The following CTNNA2 variants were observed in gnomAD, a reference collection of about 807,000 sequenced individuals.
CTNNA2 encodes catenin alpha 2.
A neutral mutation model predicts 101.0 loss-of-function variants in CTNNA2; 42 were observed. The observed-to-expected ratio is 0.42, with a 90% CI of 0.32 to 0.54. The LOEUF is 0.54. Among genes scored for constraint, CTNNA2 ranks in the 20% least tolerant of loss-of-function variants. The probability of loss-of-function intolerance (pLI) is 0.14; values close to 1 mark genes in which losing one functional copy is unlikely to be tolerated. For missense variants in CTNNA2, 871 were observed against 1,223.1 expected, an observed-to-expected ratio of 0.71 and a Z score of 4.29; for synonymous variants, 450 against 456.4, an observed-to-expected ratio of 0.99 and a Z score of 0.18.
At chr2:80,394,605 A>G (rs1677829876) in intron 8 of CTNNA2, among the ~76,000 whole-genome samples, 1 of 152,160 alleles carries the variant, frequency 6.6e-6, no homozygotes, top group Admixed American at 6.5e-5. Flanking sequence ...ATGAAATGAT[A>G]TGGGTGGCAG....
intron 7 of CTNNA2, among the ~76,000 whole-genome samples, chr2:80,130,571 A>G (rs1702358545): frequency 6.6e-6 from 1 of 152,202 alleles, no homozygotes. Flanking sequence ...CATAAAACAT[A>G]CCTGTCAAAG....
At chr2:79,298,144 C>T (rs1676025651) in intron 2 of CTNNA2, among the ~76,000 whole-genome samples, 1 of 152,130 alleles carries the variant, frequency 6.6e-6, no homozygotes. Context: ...GCTTCATAGG[C>T]ATGGCATGGG....
intron 7 of CTNNA2, among the ~76,000 whole-genome samples, chr2:80,200,976 C>T (rs1006574785): frequency 1.3e-5 from 2 of 151,968 alleles, no homozygotes; most frequent in Non-Finnish European, 2.9e-5. Flanking sequence ...GGAATTGATT[C>T]CAGGACCCCT....
Position 79,243,412 on chromosome 2 carries a change from G to A in CTNNA2, c.-406+45336G>A, listed in dbSNP as rs561281621. Among the ~76,000 whole-genome samples, 3 of 152,258 alleles carry A rather than the reference G, an allele frequency of 2.0e-5. No individual in the cohort carries two copies. In the South Asian group the frequency reaches 6.2e-4, roughly 32 times the overall value. ...AGATTTGTTGTTGCAGTATTACAGA[G>A]AGACACTAATATTCTCTGAAGGGAG... is the stretch of plus-strand genomic sequence containing the variant. On this transcript the variant is annotated intron_variant, in intron 2 of 21. Coordinates refer to the CTNNA2 transcript ENST00000466387.
chr2:80,258,646 T>C (rs1269668411), intron 7 of CTNNA2, among the ~76,000 whole-genome samples: 1 of 152,178 alleles, frequency 6.6e-6, no homozygotes, highest in Non-Finnish European at 1.5e-5. Context: ...TCACATGCAA[T>C]TCTGCATGTT....
At position 80,604,146 on chromosome 2, in the gene CTNNA2, A is replaced by G. The variant is rs1203532974; in HGVS notation, c.2262A>G (p.Arg754=). 1 of 1,613,102 alleles carries G rather than the reference A, an allele frequency of 6.2e-7. No individual in the cohort carries two copies. The highest frequency in any genetic ancestry group is 8.5e-7 in the Non-Finnish European group (1 of 1,179,418). ...AAKKIAEAGS[R]MDKLARAVAD... The stretch of plus-strand genomic sequence containing the variant: ...AGAAAATTGCCGAAGCAGGTTCTCG[A>G]ATGGACAAATTAGCTCGTGCTGTGG... The change falls in exon 16 of 19, where the codon CGA becomes CGG. Residue 754 remains arginine, a synonymous_variant. Transcript: ENST00000402739.
At chr2:80,031,527 A>G (rs1327078482) in intron 7 of CTNNA2, among the ~76,000 whole-genome samples, 2 of 152,214 alleles carry the variant, frequency 1.3e-5, no homozygotes, top group East Asian at 3.9e-4. Flanking sequence ...TATCGTGAGA[A>G]CAGCAGGAAA....
rs184505704 is a variant in CTNNA2, at chr2:80,352,783, A to G, written c.1057-40428A>G. On this transcript the variant is annotated intron_variant, in intron 7 of 18. Coordinates refer to ENST00000402739, the MANE Select transcript of CTNNA2 (RefSeq NM_001282597.3). ...ATTAAGCTATTTATTTGAGTTTATT[A>G]TAAGACAAATGTATCTTCAGTTGAT... Among the ~76,000 whole-genome samples the G allele has an allele frequency of 3.2e-4, 48 of 152,264 alleles. No individual in the cohort carries two copies. The East Asian group carries it at 6.0e-3, about 19-fold the overall frequency.
At chr2:80,400,186 T>G (rs1049560934) in intron 8 of CTNNA2, among the ~76,000 whole-genome samples, 13 of 152,238 alleles carry the variant, frequency 8.5e-5, no homozygotes, top group Non-Finnish European at 1.0e-4. Context: ...CTGTTCCATT[T>G]GACCCCTCCT....
At chr2:80,116,548 T>A (rs543565043) in intron 7 of CTNNA2, among the ~76,000 whole-genome samples, 1 of 152,238 alleles carries the variant, frequency 6.6e-6, no homozygotes, top group East Asian at 1.9e-4. Context: ...GTGTTAGCAT[T>A]GGCAGAAATG....
chr2:79,332,422 A>G (rs1258325228), intron 3 of CTNNA2, among the ~76,000 whole-genome samples: 1 of 152,202 alleles, frequency 6.6e-6, no homozygotes, highest in Non-Finnish European at 1.5e-5. Context: ...TTGGAAAAGT[A>G]AAAGCCATGC....
At chr2:79,696,147 G>A (rs1024161464) in intron 2 of CTNNA2, among the ~76,000 whole-genome samples, 2 of 152,032 alleles carry the variant, frequency 1.3e-5, no homozygotes, top group African/African-American at 4.8e-5. Flanking sequence ...GCCAAAAACC[G>A]AAGCCAAAAA....
intron 7 of CTNNA2, among the ~76,000 whole-genome samples, chr2:79,956,852 T>G (rs945055857): frequency 6.9e-6 from 1 of 143,960 alleles, no homozygotes; most frequent in African/African-American, 2.6e-5. Flanking sequence ...GGTTTTTTTT[T>G]TTTTTTTTTT....
At chr2:80,598,668 C>A (rs1433047544) in intron 15 of CTNNA2, among the ~76,000 whole-genome samples, 2 of 152,112 alleles carry the variant, frequency 1.3e-5, no homozygotes, top group Non-Finnish European at 2.9e-5. Flanking sequence ...AATGGTTAAG[C>A]AAACTATGTT....
At chr2:80,394,177 G>A (rs1677784611) in intron 8 of CTNNA2, among the ~76,000 whole-genome samples, 1 of 152,148 alleles carries the variant, frequency 6.6e-6, no homozygotes, top group African/African-American at 2.4e-5. Context: ...GAAACAATTG[G>A]GTTAGCATGG....
intron 4 of CTNNA2, among the ~76,000 whole-genome samples, chr2:79,471,993 T>C (rs1454291956): frequency 1.3e-5 from 2 of 152,150 alleles, no homozygotes; most frequent in African/African-American, 4.8e-5. Flanking sequence ...CTTCTCAGCA[T>C]CAAGACAAGA....
chr2:79,576,960 T>G (rs955557014), intron 1 of CTNNA2, among the ~76,000 whole-genome samples: 2 of 152,140 alleles, frequency 1.3e-5, no homozygotes, highest in Non-Finnish European at 2.9e-5. Context: ...AATGTGAGGA[T>G]AGAAGTTTGC....
At chr2:80,368,651 G>A (rs1175352199) in intron 7 of CTNNA2, among the ~76,000 whole-genome samples, 1 of 151,848 alleles carries the variant, frequency 6.6e-6, no homozygotes, top group Non-Finnish European at 1.5e-5. Context: ...TGATACAGAT[G>A]TTCTGGGAGA....
At chr2:79,788,825 A>G (rs1675047895) in intron 3 of CTNNA2, among the ~76,000 whole-genome samples, 1 of 152,132 alleles carries the variant, frequency 6.6e-6, no homozygotes, top group South Asian at 2.1e-4. Context: ...TCATTTTATA[A>G]TTTTGCTTTG....
Sources: gnomAD v4.1 joint callset for allele counts (sites outside exome capture counted in the v4.1 genomes callset) on GRCh38, gnomAD v4.1.1 for gene constraint, MANE v1.5 for transcripts, NCBI Gene and HGNC (gene_info 2026-07-23, HGNC 2026-07-21) for gene names.